The following DGKB variants were observed in gnomAD, a reference collection of about 807,000 sequenced individuals.
DGKB encodes the protein 90 kDa diacylglycerol kinase.
Under a neutral mutation model 114.3 loss-of-function variants are expected in DGKB, and 67 were observed. The ratio of observed to expected loss-of-function variants is 0.59; its 90% CI spans 0.48 to 0.72. The LOEUF (loss-of-function observed/expected upper bound fraction) is 0.72, where lower values mean the gene tolerates loss of function less well. Among genes scored for constraint, DGKB ranks in the 30% least tolerant of loss-of-function variants. DGKB has a pLI of 0.00. For synonymous variants in DGKB, 398 were observed against 323.1 expected (o/e 1.23, Z -2.49); for missense variants, 907 against 975.2 (o/e 0.93, Z 0.93).
At chr7:14,918,270 A>C (rs573751400) in intron 1 of DGKB, among the ~76,000 whole-genome samples, 33 of 152,306 alleles carry the variant, frequency 2.2e-4, no homozygotes, top group South Asian at 4.1e-4. Context: ...AAGAAAAGAA[A>C]ATAAAAGGCA....
intron 20 of DGKB, among the ~76,000 whole-genome samples, chr7:14,530,299 A>C (rs1455253035): frequency 6.6e-6 from 1 of 151,596 alleles, no homozygotes; most frequent in East Asian, 1.9e-4. Flanking sequence ...TCATGTTCTG[A>C]GTTATGCCTT....
chr7:14,768,268 G>A (rs1836769013), intron 2 of DGKB, among the ~76,000 whole-genome samples: 1 of 151,926 alleles, frequency 6.6e-6, no homozygotes. Context: ...AATGTGAGAA[G>A]GAGGCTATAA....
intron 23 of DGKB, among the ~76,000 whole-genome samples, chr7:14,179,005 C>T (rs1004948158): frequency 2.0e-5 from 3 of 152,120 alleles, no homozygotes; most frequent in Admixed American, 1.3e-4. Context: ...TATTCATATT[C>T]ACATACCTAG....
chr7:14,516,976 A>G (rs1788901489), intron 20 of DGKB, among the ~76,000 whole-genome samples: 1 of 152,162 alleles, frequency 6.6e-6, no homozygotes, highest in African/African-American at 2.4e-5. Context: ...ATACAGAACC[A>G]AAAAAGAACC....
At chr7:14,685,931 T>C (rs1821602325) in intron 9 of DGKB, among the ~76,000 whole-genome samples, 1 of 152,176 alleles carries the variant, frequency 6.6e-6, no homozygotes, top group Non-Finnish European at 1.5e-5. Flanking sequence ...CCTTATACTA[T>C]ATTCCAATTT....
rs115602681 is a variant in DGKB, at chr7:14,557,417, T to C, written c.1770+16795A>G. On this transcript the variant is annotated intron_variant, in intron 20 of 25. Transcript: ENST00000402815. ...TGCCGGTCTATGTGTATTCTATTTG[T>C]CATTTTTTTAGGGGAGAAAAAAGCT... is the stretch of plus-strand genomic sequence containing the variant. Among the ~76,000 whole-genome samples, 912 of 152,302 alleles carry C rather than the reference T, an allele frequency of 6.0e-3. 7 individuals are homozygous for C. The highest frequency in any genetic ancestry group is 0.02 in the African/African-American group (852 of 41,594).
chr7:14,792,345 C>T (rs1490710534), intron 2 of DGKB, among the ~76,000 whole-genome samples: 3 of 151,932 alleles, frequency 2.0e-5, no homozygotes, highest in African/African-American at 7.3e-5. Flanking sequence ...TTATTATCAC[C>T]AGCACTCTTA....
chr7:14,590,772 C>T (rs527687325), intron 17 of DGKB, among the ~76,000 whole-genome samples: 2 of 152,174 alleles, frequency 1.3e-5, no homozygotes, highest in East Asian at 3.9e-4. Flanking sequence ...TTTATATACA[C>T]ATAAAGAAAA....
intron 1 of DGKB, among the ~76,000 whole-genome samples, chr7:14,943,637 A>AACACACACACACACACACACACACAC (rs563726736): frequency 6.6e-6 from 1 of 151,468 alleles, no homozygotes; most frequent in Admixed American, 6.6e-5. Context: ...TTTGAAGTGA[A>AACACACACACACACACACACACACAC]ACACACACAC....
chr7:14,234,189 A>G (rs145034852), intron 23 of DGKB, among the ~76,000 whole-genome samples: 14 of 152,080 alleles, frequency 9.2e-5, no homozygotes, highest in African/African-American at 3.4e-4. Context: ...CCTAAGTAGT[A>G]AAGATAAAAG....
chr7:14,951,014 C>T (rs532212503), intron 1 of DGKB, among the ~76,000 whole-genome samples: 6 of 151,912 alleles, frequency 3.9e-5, no homozygotes, highest in African/African-American at 1.4e-4. Flanking sequence ...TCAATAGACA[C>T]AGTAAAAACA....
In DGKB at chr7:14,314,851, T is replaced by C. The variant is rs900286837; in HGVS notation, c.2122+23664A>G. Among the ~76,000 whole-genome samples the C allele has an allele frequency of 2.6e-3, 399 of 151,260 alleles. 1 individual carries two copies. Among genetic ancestry groups the C allele is most frequent in the Non-Finnish European group, 3.0e-3 (201 of 67,870 alleles). ...ATTGTCAGATTCACCAAAGATGAAA[T>C]GAAGGAAAAAATGTTAAGGGCAGCC... On this transcript the variant is annotated intron_variant, in intron 23 of 25. Coordinates refer to ENST00000402815, the MANE Select transcript of DGKB (RefSeq NM_001350709.2).
intron 17 of DGKB, among the ~76,000 whole-genome samples, chr7:14,593,802 A>T (rs990735120): frequency 6.9e-6 from 1 of 144,750 alleles, no homozygotes; most frequent in Non-Finnish European, 1.5e-5. Context: ...ATCAAATTGA[A>T]CTTTAAAATG....
intron 13 of DGKB, among the ~76,000 whole-genome samples, chr7:14,631,556 A>G (rs531258849): frequency 6.6e-6 from 1 of 152,170 alleles, no homozygotes; most frequent in South Asian, 2.1e-4. Flanking sequence ...TATCCATTCC[A>G]CAGGAGAATC....
intron 21 of DGKB, among the ~76,000 whole-genome samples, chr7:14,440,205 C>A (rs1371848259): frequency 1.3e-5 from 2 of 152,106 alleles, no homozygotes; most frequent in African/African-American, 4.8e-5. Context: ...CACTAACAGG[C>A]TTCAGATTTG....
intron 20 of DGKB, among the ~76,000 whole-genome samples, chr7:14,535,468 C>G (rs926719297): frequency 1.3e-5 from 2 of 150,330 alleles, no homozygotes; most frequent in East Asian, 3.9e-4. Context: ...CAAGTAACTA[C>G]AAAAAGAACA....
chr7:14,704,131 A>G (rs1468188988), intron 6 of DGKB, among the ~76,000 whole-genome samples: 2 of 152,018 alleles, frequency 1.3e-5, no homozygotes, highest in African/African-American at 2.4e-5. Context: ...TGAATTGAAT[A>G]TAACATTTAG....
chr7:14,751,597 A>G (rs1412652396), intron 4 of DGKB, among the ~76,000 whole-genome samples: 4 of 152,200 alleles, frequency 2.6e-5, no homozygotes, highest in Non-Finnish European at 4.4e-5. Context: ...TAACTGTGCT[A>G]GCACCATGCA....
chr7:14,719,465 T>C (rs1828787572), intron 5 of DGKB, among the ~76,000 whole-genome samples: 1 of 54,966 alleles, frequency 1.8e-5, no homozygotes, highest in Non-Finnish European at 5.0e-5. Flanking sequence ...AGATTGTGTG[T>C]ATCTGACAAG....
Sources: allele counts gnomAD v4.1 joint callset (sites outside exome capture counted in the v4.1 genomes callset), GRCh38; gene constraint gnomAD v4.1.1; transcripts MANE v1.5; gene names NCBI Gene and HGNC (gene_info 2026-07-23, HGNC 2026-07-21).